The following UAP1 variants were observed in gnomAD, a reference collection of about 807,000 sequenced individuals.
The protein encoded by UAP1 is UDP-N-acetylglucosamine pyrophosphorylase 1.
A neutral mutation model predicts 58.5 loss-of-function variants in UAP1; 25 were observed. The ratio of observed to expected loss-of-function variants is 0.43; its 90% confidence interval spans 0.31 to 0.60. UAP1 has a LOEUF of 0.60. Ranked by LOEUF, UAP1 falls within the 20% of genes least tolerant of loss-of-function variation. The pLI, the probability that UAP1 is intolerant of heterozygous loss-of-function variation, is 0.11. For missense variants in UAP1, 575 were observed against 630.0 expected (o/e 0.91, Z 0.93); for synonymous variants, 208 against 213.0 (o/e 0.98, Z 0.21).
chr1:162,582,078 A>G (rs996624695), intron 5 of UAP1, among the ~76,000 whole-genome samples: 19 of 152,172 alleles, frequency 1.2e-4, no homozygotes, highest in Non-Finnish European at 7.3e-5. Context: ...AGCAAAAAAT[A>G]TATATATTAT....
chr1:162,568,878 C>T (rs1347751051), intron 2 of UAP1, among the ~76,000 whole-genome samples: 3 of 152,132 alleles, frequency 2.0e-5, no homozygotes, highest in African/African-American at 7.2e-5. Context: ...ATTAAGGTAT[C>T]CTATAATTTG....
exon 2 of UAP1, chr1:162,566,233 T>C: frequency 6.2e-7 from 1 of 1,614,028 alleles, no homozygotes; most frequent in East Asian, 2.2e-5. Context: ...CCATTGAAGG[T>C]TTTAACCAGT....
intron 5 of UAP1, among the ~76,000 whole-genome samples, chr1:162,582,982 ATTTT>A (rs35829125): frequency 6.8e-6 from 1 of 146,462 alleles, no homozygotes. Flanking sequence ...TCTGAACTGT[ATTTT>A]TTTTTTTTTT....
chr1:162,585,338 ATC>A (rs2101804637), intron 5 of UAP1, among the ~76,000 whole-genome samples: 1 of 151,948 alleles, frequency 6.6e-6, no homozygotes, highest in South Asian at 2.1e-4. Flanking sequence ...GCTCACTGCA[ATC>A]TCTGCCTCCC....
chr1:162,592,503 G>T (rs941983462), intron 8 of UAP1, among the ~76,000 whole-genome samples: 32 of 152,244 alleles, frequency 2.1e-4, no homozygotes, highest in African/African-American at 7.0e-4. Flanking sequence ...GCCACTTTTG[G>T]GCTCTGTATT....
intron 2 of UAP1, among the ~76,000 whole-genome samples, chr1:162,576,475 GT>G (rs1364361858): frequency 6.6e-6 from 1 of 152,126 alleles, no homozygotes; most frequent in Non-Finnish European, 1.5e-5. Flanking sequence ...TAATAGAAAT[GT>G]TTTTATTAGC....
intron 3 of UAP1, among the ~76,000 whole-genome samples, chr1:162,577,285 C>T (rs1483456342): frequency 2.6e-5 from 4 of 151,806 alleles, no homozygotes. Context: ...ATTTAGCTCT[C>T]CCACACCCAT....
intron 5 of UAP1, among the ~76,000 whole-genome samples, chr1:162,582,369 A>G (rs1654642937): frequency 6.6e-6 from 1 of 152,196 alleles, no homozygotes; most frequent in Non-Finnish European, 1.5e-5. Context: ...TCAAGCATTA[A>G]AAGGAATTGT....
intron 4 of UAP1, among the ~76,000 whole-genome samples, chr1:162,580,480 C>T (rs1450694796): frequency 6.6e-6 from 1 of 152,158 alleles, no homozygotes; most frequent in East Asian, 1.9e-4. Context: ...AGTGTATTGC[C>T]TGTGTAGCCA....
intron 5 of UAP1, among the ~76,000 whole-genome samples, chr1:162,583,845 G>A (rs1044765882): frequency 2.0e-5 from 3 of 151,628 alleles, no homozygotes; most frequent in Non-Finnish European, 4.4e-5. Flanking sequence ...TCACTGTGTT[G>A]CCTAGGCTGG....
chr1:162,600,305 T>A (rs1235105082), downstream of UAP1, among the ~76,000 whole-genome samples: 4 of 152,200 alleles, frequency 2.6e-5, no homozygotes, highest in East Asian at 7.7e-4. Flanking sequence ...AGTTTCTGAA[T>A]TTTCTCTGGT....
chr1:162,586,811 T>C (rs1654929077), intron 5 of UAP1, among the ~76,000 whole-genome samples: 1 of 152,164 alleles, frequency 6.6e-6, no homozygotes, highest in Non-Finnish European at 1.5e-5. Context: ...ACATCACTGG[T>C]TTTCAGAATT....
intron 2 of UAP1, among the ~76,000 whole-genome samples, chr1:162,575,438 T>A (rs1262123377): frequency 6.6e-6 from 1 of 152,098 alleles, no homozygotes; most frequent in Non-Finnish European, 1.5e-5. Context: ...ACCTTTTGAT[T>A]TTGTTTTGTT....
intron 9 of UAP1, among the ~76,000 whole-genome samples, chr1:162,595,415 T>C (rs940668044): frequency 6.6e-6 from 1 of 152,152 alleles, no homozygotes; most frequent in Non-Finnish European, 1.5e-5. Flanking sequence ...TTCCTTTTTT[T>C]TTCCTCGGCA....
downstream of UAP1, among the ~76,000 whole-genome samples, chr1:162,600,775 ATTG>A (rs1165651277): frequency 6.6e-6 from 1 of 151,116 alleles, no homozygotes; most frequent in Non-Finnish European, 1.5e-5. Flanking sequence ...CAATTTTGCT[ATTG>A]TTATCTATTC....
intron 5 of UAP1, among the ~76,000 whole-genome samples, chr1:162,583,355 A>G (rs567372055): frequency 2.4e-4 from 37 of 151,774 alleles, no homozygotes; most frequent in South Asian, 2.1e-4. Context: ...GGGTTTCACT[A>G]TGTTGGCCAG....
intron 5 of UAP1, among the ~76,000 whole-genome samples, chr1:162,585,410 C>G (rs747894753): frequency 2.0e-5 from 3 of 151,718 alleles, no homozygotes; most frequent in Non-Finnish European, 4.4e-5. Context: ...GTGCCTACCA[C>G]CATGCCTGGC....
intron 2 of UAP1, among the ~76,000 whole-genome samples, chr1:162,570,677 G>A (rs1653807277): frequency 6.6e-6 from 1 of 152,102 alleles, no homozygotes; most frequent in Non-Finnish European, 1.5e-5. Flanking sequence ...TGCTTTTTGT[G>A]CTTACTATTT....
exon 7 of UAP1, chr1:162,588,774 A>C (rs777059906): frequency 6.2e-7 from 1 of 1,612,540 alleles, no homozygotes; most frequent in South Asian, 1.1e-5. Context: ...TAATTAAGCC[A>C]GACAAACCCA....
Sources: gnomAD v4.1 joint callset for allele counts (sites outside exome capture counted in the v4.1 genomes callset) on GRCh38, gnomAD v4.1.1 for gene constraint, MANE v1.5 for transcripts, NCBI Gene and HGNC (gene_info 2026-07-23, HGNC 2026-07-21) for gene names.